Variants in THNSL1 observed in about 807,000 individuals in gnomAD.
THNSL1 encodes threonine synthase-like 1.
THNSL1 carries 48 observed loss-of-function variants against 50.4 expected under a neutral mutation model. The ratio of observed to expected loss-of-function variants is 0.95; its 90% CI spans 0.76 to 1.21. The LOEUF is 1.21. THNSL1 is among the 50% of genes most tolerant of loss of function. The probability of loss-of-function intolerance (pLI) is 0.00; values close to 1 mark genes in which losing one functional copy is unlikely to be tolerated. For synonymous variants in THNSL1, 309 were observed against 306.1 expected, an observed-to-expected ratio of 1.01 and a Z score of -0.10; for missense variants, 896 against 871.7, an observed-to-expected ratio of 1.03 and a Z score of -0.35.
At chr10:24,990,487 A>G in the THNSL1 span, 2 of 1,613,252 alleles carry the variant, frequency 1.2e-6, no homozygotes, top group South Asian at 1.1e-5. Flanking sequence ...CCCTTTCTTC[A>G]TCGGAGAGCC....
At chr10:24,969,640 A>G in the THNSL1 span, among the ~76,000 whole-genome samples, 2 of 150,860 alleles carry the variant, frequency 1.3e-5, no homozygotes, top group East Asian at 3.9e-4. Context: ...CAGTTTCAAA[A>G]CGGCTACTTA....
chr10:24,958,815 C>T, the THNSL1 span, among the ~76,000 whole-genome samples: 1 of 152,166 alleles, frequency 6.6e-6, no homozygotes, highest in Non-Finnish European at 1.5e-5. Context: ...TGGGCAGTTT[C>T]AGAGATATCC....
the THNSL1 span, among the ~76,000 whole-genome samples, chr10:24,972,592 T>A: frequency 6.6e-6 from 1 of 152,152 alleles, no homozygotes; most frequent in African/African-American, 2.4e-5. Context: ...TACAGAAAGA[T>A]GCCAAAACTG....
the THNSL1 span, among the ~76,000 whole-genome samples, chr10:24,965,423 C>T: frequency 6.6e-6 from 1 of 152,180 alleles, no homozygotes; most frequent in Non-Finnish European, 1.5e-5. Flanking sequence ...TTCTGAGCCC[C>T]AGCCCTAAAG....
chr10:25,010,454 A>C, the THNSL1 span, among the ~76,000 whole-genome samples: 4 of 151,682 alleles, frequency 2.6e-5, no homozygotes, highest in Non-Finnish European at 5.9e-5. Context: ...TTTTATTATT[A>C]TTATTATACT....
At chr10:24,999,476 C>T in the THNSL1 span, 1 of 1,612,990 alleles carries the variant, frequency 6.2e-7, no homozygotes, top group African/African-American at 1.3e-5. Flanking sequence ...TTTGCTGGTC[C>T]CATAGTTTTC....
rs753955093 is a variant in THNSL1 at position 25,024,284 on chromosome 10, C to T, written c.1061C>T (p.Ser354Phe). 7.4e-6 allele frequency: 12 copies of T among 1,614,190 alleles called. No homozygotes were observed. The South Asian group carries it at 1.3e-4, about 18-fold the overall frequency. The stretch of plus-strand genomic sequence containing the variant: ...CCAACAGGATCATTTAAAGATTTGT[C>T]TTTACAGCTTATGCCTCATATTTTT... ...HGPTGSFKDL[S>F]LQLMPHIFAH... Residue 354 changes from serine to phenylalanine, a missense_variant, in exon 3 of 3, where the codon TCT (serine) becomes TTT (phenylalanine). Physicochemically the swap from Ser to Phe is radical, Grantham distance 155. Coordinates refer to ENST00000376356, the MANE Select transcript of THNSL1 (RefSeq NM_024838.5).
chr10:24,952,490 G>T, the THNSL1 span: 1 of 1,559,424 alleles, frequency 6.4e-7, no homozygotes, highest in South Asian at 1.2e-5. The surrounding 1 kb of genome is among the most constrained non-coding windows in gnomAD (Gnocchi z 5.1). Context: ...GGAGGGAGGG[G>T]AGCGGGCCGA....
At chr10:24,984,314 G>C in the THNSL1 span, 52 of 1,566,726 alleles carry the variant, frequency 3.3e-5, no homozygotes, top group Non-Finnish European at 4.0e-5. Flanking sequence ...AAGAAGGCAC[G>C]TGTTACTATT....
chr10:25,023,554 T>C lies in THNSL1; in HGVS notation c.331T>C (p.Phe111Leu). ...EKLQDVGNEQFLEEEGKAVLN... is the reference protein window; with the variant it reads ...EKLQDVGNEQLLEEEGKAVLN... Reference sequence around the variant, plus strand: ...ATTACAGGATGTTGGTAATGAGCAATTTTTAGAAGAGGAAGGAAAAGCTGT... The same window carrying C: ...ATTACAGGATGTTGGTAATGAGCAACTTTTAGAAGAGGAAGGAAAAGCTGT... The change falls in exon 3 of 3, where the codon TTT becomes CTT. Residue 111 changes from phenylalanine (F) to leucine (L), a missense_variant. By Grantham distance (22) the Phe-to-Leu change is conservative. Coordinates refer to ENST00000376356, the MANE Select transcript of THNSL1 (RefSeq NM_024838.5). 1 of 1,614,076 alleles carries C rather than the reference T, an allele frequency of 6.2e-7. No individual in the cohort carries two copies. Among genetic ancestry groups the C allele is most frequent in the Non-Finnish European group, 8.5e-7 (1 of 1,179,980 alleles).
At chr10:24,997,273 A>G in the THNSL1 span, among the ~76,000 whole-genome samples, 1 of 152,040 alleles carries the variant, frequency 6.6e-6, no homozygotes, top group Non-Finnish European at 1.5e-5. Flanking sequence ...GCAAAAATCA[A>G]CTAATCCTCT....
the THNSL1 span, among the ~76,000 whole-genome samples, chr10:24,994,979 C>A: frequency 6.6e-6 from 1 of 152,054 alleles, no homozygotes; most frequent in Non-Finnish European, 1.5e-5. Context: ...TGAGATTGCA[C>A]CATTGTACTC....
chr10:25,023,221 A>G lies in THNSL1; in HGVS notation c.-3A>G. On this transcript the variant is annotated 5_prime_UTR_variant, in exon 3 of 3. Transcript: ENST00000376356. ...TTGGCTTGGGCAGAAAAGTGAAAAG[A>G]GAATGCTCCACTTTAACCGATGTCA... is the stretch of plus-strand genomic sequence containing the variant. 1 of 1,602,612 alleles carries G rather than the reference A, an allele frequency of 6.2e-7. No individual in the cohort carries two copies. The highest frequency in any genetic ancestry group is 1.3e-5 in the African/African-American group (1 of 74,614).
At chr10:25,020,740 CA>C (rs36007062) in intron 1 of THNSL1, among the ~76,000 whole-genome samples, 37,123 of 133,796 alleles carry the variant, frequency 0.28, 5,264 homozygotes, top group East Asian at 0.52. Flanking sequence ...GACCCTTTCT[CA>C]AAAAAAAAAA....
the THNSL1 span, chr10:24,990,623 G>A: frequency 1.9e-6 from 3 of 1,585,498 alleles, no homozygotes; most frequent in Non-Finnish European, 2.6e-6. Context: ...AAAAGATTTT[G>A]CAGAAAAAAG....
rs1440292495 is a variant in THNSL1 at position 25,023,111 on chromosome 10, A to C, written c.-48-65A>C. On this transcript the variant is annotated intron_variant, in intron 2 of 2. Coordinates refer to ENST00000376356, the MANE Select transcript of THNSL1 (RefSeq NM_024838.5). ...TATTCAGTCCTATTGGGATTTTAAC[A>C]ATCTACTGTAATTAGTAACCAAATT... The C allele has an allele frequency of 1.4e-4, 136 of 1,000,820 alleles. No individual in the cohort carries two copies. In the East Asian group the frequency reaches 3.3e-3, roughly 25 times the overall value. The allele number at this position is 1,000,820 out of a possible 1,614,324, so 62.0% of individuals were successfully genotyped here.
the THNSL1 span, among the ~76,000 whole-genome samples, chr10:24,959,073 CT>C: frequency 6.6e-6 from 1 of 152,188 alleles, no homozygotes; most frequent in African/African-American, 2.4e-5. Context: ...TATGAACAAA[CT>C]GATTAGCATC....
the THNSL1 span, among the ~76,000 whole-genome samples, chr10:24,977,312 T>G: frequency 3.3e-5 from 5 of 152,164 alleles, no homozygotes; most frequent in African/African-American, 1.2e-4. Flanking sequence ...CAATAAGAAG[T>G]TGGTCATAGT....
chr10:24,982,981 C>T, the THNSL1 span: 1 of 152,160 alleles, frequency 6.6e-6, no homozygotes, highest in South Asian at 2.1e-4. Context: ...TGCATTGCTA[C>T]TGATTTTGAA....
Sources: gnomAD v4.1 joint callset for allele counts (sites outside exome capture counted in the v4.1 genomes callset) on GRCh38, gnomAD v4.1.1 for gene constraint, Gnocchi (gnomAD v3.1) non-coding constraint, MANE v1.5 for transcripts, NCBI Gene and HGNC (gene_info 2026-07-23, HGNC 2026-07-21) for gene names.